ATAD5: variants seen among roughly 807,000 people sequenced by gnomAD.
ATAD5 encodes the protein ATPase family AAA domain containing 5.
ATAD5 carries 58 observed loss-of-function variants against 176.9 expected under a neutral mutation model. That is an observed-to-expected ratio of 0.33 (90% confidence interval 0.27 to 0.41). The LOEUF is 0.41. Among genes scored for constraint, ATAD5 ranks in the 10% least tolerant of loss-of-function variants. The pLI is 1.00. For missense variants in ATAD5, 1,789 were observed against 2,094.1 expected, an observed-to-expected ratio of 0.85 and a Z score of 2.84; for synonymous variants, 640 against 712.6, an observed-to-expected ratio of 0.90 and a Z score of 1.62.
At chr17:30,866,579 C>T (rs1255932532) in intron 11 of ATAD5, among the ~76,000 whole-genome samples, 1 of 151,502 alleles carries the variant, frequency 6.6e-6, no homozygotes, top group Non-Finnish European at 1.5e-5. Context: ...CTTTGGGAAG[C>T]TGAGGCGGGC....
chr17:30,893,169 A>G, intron 20 of ATAD5, 125 bp from the exon 21 acceptor site: 1 of 983,154 alleles, frequency 1.0e-6, no homozygotes. Flanking sequence ...AGATAAATAA[A>G]ATTATGAGGG....
At chr17:30,845,014 G>A in intron 6 of ATAD5, 98 bp downstream of exon 6, 1 of 1,089,128 alleles carries the variant, frequency 9.2e-7, no homozygotes, top group Non-Finnish European at 1.3e-6. Flanking sequence ...ATTATCATTT[G>A]AAGCTCTAGT....
intron 18 of ATAD5, among the ~76,000 whole-genome samples, chr17:30,881,949 A>G (rs1260005674): frequency 6.7e-6 from 1 of 150,260 alleles, no homozygotes; most frequent in African/African-American, 2.5e-5. Flanking sequence ...TAAATAACAC[A>G]TAATTGAATA....
chr17:30,846,870 G>A (rs1488163837), intron 6 of ATAD5, among the ~76,000 whole-genome samples: 1 of 150,298 alleles, frequency 6.7e-6, no homozygotes, highest in Non-Finnish European at 1.5e-5. Context: ...ACAGGCATGT[G>A]CCACCACGCC....
chr17:30,856,091 C>T (rs1384226540), intron 7 of ATAD5, among the ~76,000 whole-genome samples: 1 of 152,128 alleles, frequency 6.6e-6, no homozygotes, highest in Non-Finnish European at 1.5e-5. Flanking sequence ...TTGATAAACT[C>T]ATTTTCACAG....
chr17:30,863,429 C>T (rs1217952068), intron 10 of ATAD5, among the ~76,000 whole-genome samples: 6 of 151,136 alleles, frequency 4.0e-5, no homozygotes, highest in East Asian at 3.9e-4. Context: ...TGCAGTGGCG[C>T]GATCTCGGCT....
At chr17:30,869,997 C>T in intron 14 of ATAD5, 1 of 189,734 alleles carries the variant, frequency 5.3e-6, no homozygotes, top group South Asian at 1.0e-4. Context: ...GCCTGTAGTC[C>T]CAGCTACTCT....
chr17:30,854,369 ATTTTTT>A (rs11445925), intron 6 of ATAD5, among the ~76,000 whole-genome samples: 15,872 of 121,030 alleles, frequency 0.13, 845 homozygotes, highest in South Asian at 0.25. Flanking sequence ...ATTAATTTAA[ATTTTTT>A]TTTTTTTTTT....
chr17:30,892,893 T>TACA, intron 20 of ATAD5, 105 bp downstream of exon 20: 1 of 999,556 alleles, frequency 1.0e-6, no homozygotes, highest in Non-Finnish European at 1.4e-6. Flanking sequence ...AATGTGCCTA[T>TACA]AATTTGTATA....
In ATAD5 at chr17:30,865,747, T is replaced by A; in HGVS notation, c.3180T>A (p.Pro1060=). Residue 1060 remains proline, a synonymous_variant, in exon 11 of 23, where the codon CCT becomes CCA. Transcript: ENST00000321990. ...EDMLWTEKYQ[P]QTASELIGNE... is the part of the protein sequence containing the mutation. ...TGCTTTGGACAGAAAAGTATCAACC[T>A]CAGACTGCCAGTGAACTTATAGGAA... is the stretch of plus-strand genomic sequence containing the variant. The A allele has an allele frequency of 1.9e-6, 3 of 1,595,734 alleles. No homozygotes were observed. Among genetic ancestry groups the A allele is most frequent in the Non-Finnish European group, 1.7e-6 (2 of 1,173,628 alleles).
intron 3 of ATAD5, among the ~76,000 whole-genome samples, chr17:30,840,123 G>A (rs1336139099): frequency 2.0e-5 from 3 of 150,816 alleles, no homozygotes; most frequent in Admixed American, 1.3e-4. Flanking sequence ...ACTTGAACTC[G>A]GGAGGCAGAG....
intron 5 of ATAD5, among the ~76,000 whole-genome samples, chr17:30,844,628 G>C (rs1567680842): frequency 6.8e-6 from 1 of 146,012 alleles, no homozygotes; most frequent in Non-Finnish European, 1.5e-5. Flanking sequence ...GGTACCCGTA[G>C]TTCCAGCTAC....
rs369790232 is a variant in ATAD5 at position 30,834,929 on chromosome 17, C to T, written c.848C>T (p.Pro283Leu). 15 of 1,611,616 alleles carry T rather than the reference C, an allele frequency of 9.3e-6. No homozygotes were observed. Among genetic ancestry groups the T allele is most frequent in the Non-Finnish European group, 1.2e-5 (14 of 1,179,208 alleles). ...SHKENKVEEI[P>L]DSTMSICVPS... ...AAGGAAAATAAAGTGGAAGAGATACCAGACTCTACAATGTCAATTTGTGTT... is the reference window on the plus strand; with the variant it reads ...AAGGAAAATAAAGTGGAAGAGATACTAGACTCTACAATGTCAATTTGTGTT... Residue 283 changes from proline (P) to leucine (L), a missense_variant, in exon 2 of 23, where the codon CCA becomes CTA. Physicochemically the swap from Pro to Leu is moderately conservative, Grantham distance 98. Around this residue, in one of 6 missense-constraint regions of ATAD5, gnomAD observed 696 missense variants for 712.5 expected, o/e 0.98. Transcript: ENST00000321990.
At chr17:30,871,011 T>C (rs1908303340) in intron 14 of ATAD5, among the ~76,000 whole-genome samples, 1 of 151,952 alleles carries the variant, frequency 6.6e-6, no homozygotes, top group South Asian at 2.1e-4. Flanking sequence ...CCCTTTTCCT[T>C]TGGCAACTCC....
chr17:30,874,419 T>G (rs1474190070), intron 14 of ATAD5, among the ~76,000 whole-genome samples: 3 of 148,134 alleles, frequency 2.0e-5, no homozygotes, highest in Non-Finnish European at 4.5e-5. Context: ...CGTGTGCTTG[T>G]AATCCCAGCT....
Position 30,869,236 on chromosome 17 carries a change from AT to A in ATAD5, c.3314-11del. On this transcript the variant is annotated splice_polypyrimidine_tract_variant and intron_variant, in intron 12 of 22. Transcript: ENST00000321990. Reference sequence around the variant, plus strand: ...CAATTGTCATTTTATATGCATTTGAATAATTTTTCAGATTTCTCGGGTGGCA... The same window carrying A: ...CAATTGTCATTTTATATGCATTTGAAAATTTTTCAGATTTCTCGGGTGGCA... The A allele has an allele frequency of 6.3e-7, 1 of 1,590,524 alleles. No individual in the cohort carries two copies. The highest frequency in any genetic ancestry group is 8.5e-7 in the Non-Finnish European group (1 of 1,173,658).
At chr17:30,876,653 C>A in intron 15 of ATAD5, 103 bp downstream of exon 15, 1 of 497,972 alleles carries the variant, frequency 2.0e-6, no homozygotes, top group Non-Finnish European at 3.3e-6. Flanking sequence ...TTTATTAAAT[C>A]TCAGCTACAC....
chr17:30,834,204 A>G lies in ATAD5; in HGVS notation c.123A>G (p.Lys41=). 6.3e-7 allele frequency: 1 copy of G among 1,593,500 alleles called. No individual in the cohort carries two copies. Among genetic ancestry groups the G allele is most frequent in the Non-Finnish European group, 8.5e-7 (1 of 1,174,040 alleles). ...DDTSTCKTIT[K]YLSPLGKTRD... is the part of the protein sequence containing the mutation. ...CATCTACCTGCAAAACAATTACAAA[A>G]TATTTATCACCACTAGGGAAGACTA... Residue 41 remains lysine (K), a synonymous_variant, in exon 2 of 23, where the codon AAA becomes AAG. Transcript: ENST00000321990.
In ATAD5 at chr17:30,865,886, A is replaced by G. The variant is rs903887135; in HGVS notation, c.3233+86A>G. On this transcript the variant is annotated intron_variant, in intron 11 of 22. Transcript: ENST00000321990. ...TTCGAAATTGTAGTTACAAAGTAAT[A>G]TATCTCATGATAAAATCTTCAAAAA... is the stretch of plus-strand genomic sequence containing the variant. The G allele has an allele frequency of 1.8e-5, 13 of 727,780 alleles. No homozygotes were observed. The South Asian group carries it at 3.7e-4, about 21-fold the overall frequency. The allele number at this position is 727,780 out of a possible 1,614,324, so 45.1% of individuals were successfully genotyped here.
Sources: gnomAD v4.1 joint callset for allele counts (sites outside exome capture counted in the v4.1 genomes callset) on GRCh38, gnomAD v4.1.1 for gene constraint, gnomAD v4.1.1 regional missense constraint, MANE v1.5 for transcripts, NCBI Gene and HGNC (gene_info 2026-07-23, HGNC 2026-07-21) for gene names.